Variants in POLR3G observed in about 807,000 individuals in gnomAD.
The protein encoded by POLR3G is DNA-directed RNA polymerase III subunit RPC7.
POLR3G carries 28 observed loss-of-function variants against 30.1 expected under a neutral mutation model. That is an observed-to-expected ratio of 0.93 (90% CI 0.69 to 1.27). The LOEUF (loss-of-function observed/expected upper bound fraction) is 1.27. Among genes scored for constraint, POLR3G ranks in the 50% most tolerant of loss-of-function variants. POLR3G has a pLI of 0.00. For synonymous variants in POLR3G, 79 were observed against 82.5 expected (o/e 0.96, Z 0.23); for missense variants, 254 against 264.6 (o/e 0.96, Z 0.28).
intron 7 of POLR3G, among the ~76,000 whole-genome samples, chr5:90,510,023 G>A (rs774115976): frequency 6.6e-6 from 1 of 152,130 alleles, no homozygotes; most frequent in Non-Finnish European, 1.5e-5. Flanking sequence ...AGGATATTTG[G>A]TAGTGTCTGG....
intron 7 of POLR3G, 145 bp from the exon 8 acceptor site, chr5:90,511,908 T>C: frequency 1.6e-6 from 1 of 608,372 alleles, no homozygotes; most frequent in African/African-American, 1.9e-5. Flanking sequence ...GGTGGTGGTC[T>C]TAAGGAAGAA....
chr5:90,498,777 T>G (rs992882893), intron 5 of POLR3G, among the ~76,000 whole-genome samples: 5 of 152,256 alleles, frequency 3.3e-5, no homozygotes, highest in African/African-American at 9.6e-5. Flanking sequence ...TTTAGTAATT[T>G]CATTCAGTAA....
In POLR3G at chr5:90,506,017, T is replaced by C. The variant is rs564024244; in HGVS notation, c.439-511T>C. On this transcript the variant is annotated intron_variant, in intron 6 of 7. Transcript: ENST00000651687. Reference sequence around the variant, plus strand: ...TGGGAGGCTAAGGTGGGCAGATCTCTTGAGACCAGCAGTTTGAGACCAGCA... The same window carrying C: ...TGGGAGGCTAAGGTGGGCAGATCTCCTGAGACCAGCAGTTTGAGACCAGCA... 5.3e-5 allele frequency among the ~76,000 whole-genome samples: 8 copies of C among 152,172 alleles called. No homozygotes were observed. In the East Asian group the frequency reaches 1.6e-3, roughly 30 times the overall value.
intron 3 of POLR3G, chr5:90,490,672 G>T (rs1355601787): frequency 1.0e-5 from 4 of 382,828 alleles, no homozygotes; most frequent in African/African-American, 2.2e-5. Context: ...GCCTTCCAAA[G>T]TGCTGAAATT....
intron 7 of POLR3G, among the ~76,000 whole-genome samples, chr5:90,511,825 A>G (rs1231521922): frequency 6.6e-6 from 1 of 152,166 alleles, no homozygotes; most frequent in African/African-American, 2.4e-5. Flanking sequence ...GTTAGTAGCT[A>G]TATTATCCTA....
intron 1 of POLR3G, among the ~76,000 whole-genome samples, 162 bp from the exon 2 acceptor site, chr5:90,485,363 G>A (rs1323229385): frequency 6.6e-6 from 1 of 152,170 alleles, no homozygotes; most frequent in African/African-American, 2.4e-5. Context: ...GTGAGTGTGA[G>A]CAGTTCAACA....
At chr5:90,499,388 G>T (rs896442117) in intron 5 of POLR3G, among the ~76,000 whole-genome samples, 2 of 152,206 alleles carry the variant, frequency 1.3e-5, no homozygotes, top group Non-Finnish European at 1.5e-5. Flanking sequence ...AATGTTAAAA[G>T]ATGTTAGACA....
chr5:90,510,342 C>T (rs1179888959), intron 7 of POLR3G, among the ~76,000 whole-genome samples: 1 of 151,850 alleles, frequency 6.6e-6, no homozygotes, highest in Non-Finnish European at 1.5e-5. Context: ...CGCGCCACTG[C>T]ACTCCAGCCT....
upstream of POLR3G, chr5:90,474,567 C>T (rs1334468207): frequency 2.1e-6 from 1 of 484,582 alleles, no homozygotes; most frequent in South Asian, 2.4e-5. Flanking sequence ...CTACCGCAGC[C>T]TCGGCAGCCG....
At chr5:90,496,068 A>T (rs1022404057) in intron 4 of POLR3G, among the ~76,000 whole-genome samples, 3 of 151,548 alleles carry the variant, frequency 2.0e-5, no homozygotes, top group East Asian at 1.9e-4. Flanking sequence ...ACCTCCAGGG[A>T]TCATGCCATT....
At position 90,489,429 on chromosome 5, in the gene POLR3G, C is replaced by T. The variant is rs116311021; in HGVS notation, c.247+1300C>T. Among the ~76,000 whole-genome samples the T allele has an allele frequency of 5.7e-3, 870 of 151,964 alleles. 8 individuals carry two copies. The highest frequency in any genetic ancestry group is 0.02 in the African/African-American group (836 of 41,446). On this transcript the variant is annotated intron_variant, in intron 3 of 7. Transcript: ENST00000651687. ...TGCAGACGCACAGCACCATGCCCGGCTAATTTTTGTATTTTTAATAGAGAT... is the reference window on the plus strand; with the variant it reads ...TGCAGACGCACAGCACCATGCCCGGTTAATTTTTGTATTTTTAATAGAGAT...
At chr5:90,483,886 T>G (rs1490646586) in intron 1 of POLR3G, among the ~76,000 whole-genome samples, 1 of 152,248 alleles carries the variant, frequency 6.6e-6, no homozygotes, top group African/African-American at 2.4e-5. Flanking sequence ...ATTATAGTTA[T>G]CTTACCTTTA....
At chr5:90,503,863 T>TAA (rs1752363561) in intron 6 of POLR3G, among the ~76,000 whole-genome samples, 1 of 152,220 alleles carries the variant, frequency 6.6e-6, no homozygotes, top group Non-Finnish European at 1.5e-5. Context: ...GTATGGTGGC[T>TAA]GTAAGGCTGT....
At chr5:90,504,362 C>T (rs1752390018) in intron 6 of POLR3G, among the ~76,000 whole-genome samples, 1 of 148,568 alleles carries the variant, frequency 6.7e-6, no homozygotes, top group African/African-American at 2.6e-5. Flanking sequence ...AGATCGAGAC[C>T]ATCCTGGCTA....
At chr5:90,477,536 A>G (rs1368154381) in intron 1 of POLR3G, among the ~76,000 whole-genome samples, 1 of 152,170 alleles carries the variant, frequency 6.6e-6, no homozygotes, top group Non-Finnish European at 1.5e-5. Flanking sequence ...CTACTATTAG[A>G]TGAGGGGTTG....
At position 90,506,525 on chromosome 5, in the gene POLR3G, C is replaced by A; in HGVS notation, c.439-3C>A. 2.5e-6 allele frequency: 4 copies of A among 1,610,186 alleles called. No individual in the cohort carries two copies. The highest frequency in any genetic ancestry group is 3.4e-6 in the Non-Finnish European group (4 of 1,178,452). On this transcript the variant is annotated splice_polypyrimidine_tract_variant and splice_region_variant and intron_variant, in intron 6 of 7. Transcript: ENST00000651687. ...ACAAATTAATGAAACTCACTTATAC[C>A]AGGAATTGGAAAAAAGAGGTGATGG...
chr5:90,490,972 C>T (rs1296165045), intron 3 of POLR3G: 1 of 153,794 alleles, frequency 6.5e-6, no homozygotes, highest in Non-Finnish European at 1.4e-5. Context: ...TCACTTACCA[C>T]CTGTGTGCTT....
At chr5:90,510,276 G>A (rs1752677466) in intron 7 of POLR3G, among the ~76,000 whole-genome samples, 1 of 152,246 alleles carries the variant, frequency 6.6e-6, no homozygotes, top group East Asian at 1.9e-4. Context: ...TACTCGGGAG[G>A]CTGAGGCAGG....
intron 5 of POLR3G, among the ~76,000 whole-genome samples, chr5:90,500,668 A>G (rs1418640860): frequency 6.6e-6 from 1 of 152,136 alleles, no homozygotes; most frequent in Non-Finnish European, 1.5e-5. Context: ...CCTCACTAAT[A>G]CATATGTTTG....
Sources: gnomAD v4.1 joint callset for allele counts (sites outside exome capture counted in the v4.1 genomes callset) on GRCh38, gnomAD v4.1.1 for gene constraint, MANE v1.5 for transcripts, NCBI Gene and HGNC (gene_info 2026-07-23, HGNC 2026-07-21) for gene names.